The following RBFOX3 variants were observed in gnomAD, a reference collection of about 807,000 sequenced individuals.
The protein encoded by RBFOX3 is RNA binding protein fox-1 homolog 3.
A neutral mutation model predicts 48.7 loss-of-function variants in RBFOX3; 17 were observed. The observed-to-expected ratio is 0.35, with a 90% CI of 0.24 to 0.52. RBFOX3 has a LOEUF of 0.52. Among genes scored for constraint, RBFOX3 ranks in the 20% least tolerant of loss-of-function variants. RBFOX3 has a pLI of 0.94. For synonymous variants in RBFOX3, 212 were observed against 209.5 expected, an observed-to-expected ratio of 1.01 and a Z score of -0.10; for missense variants, 382 against 497.5, an observed-to-expected ratio of 0.77 and a Z score of 2.21.
At chr17:79,520,040 G>A (rs1041782137) in intron 1 of RBFOX3, among the ~76,000 whole-genome samples, 7,765 of 152,280 alleles carry the variant, frequency 0.051, 396 homozygotes, top group African/African-American at 0.13. Context: ...AAAGCCCGTT[G>A]AAAGTCACCA....
At chr17:79,097,090 C>G (rs1184008214) in intron 11 of RBFOX3, among the ~76,000 whole-genome samples, 1 of 152,116 alleles carries the variant, frequency 6.6e-6, no homozygotes, top group Non-Finnish European at 1.5e-5. Context: ...TGCCAGTGAC[C>G]TCCGCGATGC....
At chr17:79,113,166 G>C (rs531901028) in intron 5 of RBFOX3, among the ~76,000 whole-genome samples, 1 of 152,204 alleles carries the variant, frequency 6.6e-6, no homozygotes, top group African/African-American at 2.4e-5. Flanking sequence ...GACAGGGTCT[G>C]GGGACACCTG....
chr17:79,512,474 G>A (rs1387321029), intron 1 of RBFOX3, among the ~76,000 whole-genome samples: 4 of 142,144 alleles, frequency 2.8e-5, no homozygotes, highest in East Asian at 4.4e-4. Flanking sequence ...TATACACCCG[G>A]ATACATATTA....
At chr17:79,504,723 C>A (rs1156403107) in intron 1 of RBFOX3, among the ~76,000 whole-genome samples, 1 of 152,192 alleles carries the variant, frequency 6.6e-6, no homozygotes, top group African/African-American at 2.4e-5. Context: ...AATCCAGCAC[C>A]ATCTCCCCAG....
rs148863918 is a variant in RBFOX3 at position 79,090,769 on chromosome 17, G to GTT, written c.*112_*113dup. 8.4e-3 allele frequency: 9,578 copies of GTT among 1,144,430 alleles called. 1 individual carries two copies. The highest frequency in any genetic ancestry group is 0.019 in the East Asian group (665 of 34,368). The allele number at this position is 1,144,430 out of a possible 1,614,324, so 70.9% of individuals were successfully genotyped here. On this transcript the variant is annotated 3_prime_UTR_variant, in exon 15 of 15. Coordinates refer to ENST00000693108, the MANE Select transcript of RBFOX3 (RefSeq NM_001350451.2). The stretch of plus-strand genomic sequence containing the variant: ...GGTTGGATGCCTCTTGGTTTGGTTG[G>GTT]TTTTTTTTTTGTTGCTTGGATCTTA...
the RBFOX3 span, among the ~76,000 whole-genome samples, chr17:79,623,282 C>T: frequency 6.6e-6 from 1 of 152,248 alleles, no homozygotes; most frequent in Non-Finnish European, 1.5e-5. Context: ...AGAACACCAC[C>T]ATGCCCACTG....
chr17:79,648,100 G>A, the RBFOX3 span, among the ~76,000 whole-genome samples: 2 of 152,164 alleles, frequency 1.3e-5, no homozygotes, highest in African/African-American at 4.8e-5. Flanking sequence ...GTCTGGGGGT[G>A]CAGTAGTGGG....
upstream of RBFOX3, among the ~76,000 whole-genome samples, chr17:79,611,125 C>T (rs1320499781): frequency 1.1e-4 from 2 of 17,670 alleles, no homozygotes; most frequent in South Asian, 5.2e-3. Context: ...CTCTCTCCGC[C>T]CTCCTTCTCT....
chr17:79,158,499 C>A (rs929632141), intron 4 of RBFOX3, among the ~76,000 whole-genome samples: 1 of 152,176 alleles, frequency 6.6e-6, no homozygotes, highest in Non-Finnish European at 1.5e-5. Flanking sequence ...GACTCAGAGG[C>A]CGGGGACACT....
intron 2 of RBFOX3, among the ~76,000 whole-genome samples, chr17:79,403,247 T>C (rs2063050898): frequency 6.6e-6 from 1 of 152,138 alleles, no homozygotes; most frequent in South Asian, 2.1e-4. Flanking sequence ...AGCCTGCTGG[T>C]CGCCCTTTAG....
chr17:79,261,573 A>C (rs1030906737), intron 3 of RBFOX3, among the ~76,000 whole-genome samples: 3 of 152,192 alleles, frequency 2.0e-5, no homozygotes, highest in African/African-American at 7.2e-5. Context: ...GGCTCTCCAC[A>C]GTGCAGAGTC....
intron 4 of RBFOX3, among the ~76,000 whole-genome samples, chr17:79,154,735 T>G (rs371613604): frequency 6.6e-6 from 1 of 152,242 alleles, no homozygotes; most frequent in Non-Finnish European, 1.5e-5. Context: ...TGCTGGCCCC[T>G]GCCCCGTTGG....
chr17:79,231,646 C>T (rs774091197), intron 4 of RBFOX3, among the ~76,000 whole-genome samples: 31 of 152,046 alleles, frequency 2.0e-4, no homozygotes, highest in Admixed American at 1.3e-4. Context: ...TATTTCTATA[C>T]GCTAGCAACA....
At position 79,271,251 on chromosome 17, in the gene RBFOX3, T is replaced by A. The variant is rs183805784; in HGVS notation, c.-73-35446A>T. ...TCACCATGCCCTGCTAATTTTTGTA[T>A]TTTTAGTAGAGACAGTGTTTCACCA... On this transcript the variant is annotated intron_variant, in intron 3 of 14. Transcript: ENST00000693108. 3.3e-5 allele frequency among the ~76,000 whole-genome samples: 5 copies of A among 152,242 alleles called. No homozygotes were observed. The East Asian group carries it at 9.7e-4, about 29-fold the overall frequency.
intron 4 of RBFOX3, among the ~76,000 whole-genome samples, chr17:79,182,858 C>T (rs2052413707): frequency 1.3e-5 from 2 of 151,244 alleles, no homozygotes; most frequent in South Asian, 4.2e-4. Flanking sequence ...CCGGCTTTCC[C>T]GACGCTGCCA....
At chr17:79,394,494 A>G (rs1455998275) in intron 2 of RBFOX3, among the ~76,000 whole-genome samples, 1 of 152,166 alleles carries the variant, frequency 6.6e-6, no homozygotes, top group East Asian at 1.9e-4. Context: ...TTGGCCAAAA[A>G]TGGAGCAAGC....
At chr17:79,246,128 G>T (rs528858728) in intron 3 of RBFOX3, among the ~76,000 whole-genome samples, 2 of 152,106 alleles carry the variant, frequency 1.3e-5, no homozygotes, top group African/African-American at 2.4e-5. Context: ...ATCTGCTGAC[G>T]TGCTTCCGTC....
intron 3 of RBFOX3, among the ~76,000 whole-genome samples, chr17:79,253,532 T>G (rs1426571136): frequency 6.6e-6 from 1 of 151,056 alleles, no homozygotes; most frequent in African/African-American, 2.4e-5. Flanking sequence ...TTAAATGAAA[T>G]TTTTTTTTTA....
Position 79,542,620 on chromosome 17 carries a change from C to G in RBFOX3, c.-319-60022G>C, listed in dbSNP as rs570882170. 8.5e-5 allele frequency among the ~76,000 whole-genome samples: 13 copies of G among 152,274 alleles called. No individual in the cohort carries two copies. In the South Asian group the frequency reaches 2.7e-3, roughly 32 times the overall value. On this transcript the variant is annotated intron_variant, in intron 1 of 14. Transcript: ENST00000693108. ...CCAACATGGCAAAACCCCGTCTCTA[C>G]TAAAAATACAAAAATTAGCTGGGCA...
Sources: allele counts gnomAD v4.1 joint callset (sites outside exome capture counted in the v4.1 genomes callset), GRCh38; gene constraint gnomAD v4.1.1; transcripts MANE v1.5; gene names NCBI Gene and HGNC (gene_info 2026-07-23, HGNC 2026-07-21).